The following BNC2 variants were observed in gnomAD, a reference collection of about 807,000 sequenced individuals.
BNC2 encodes the protein zinc finger protein basonuclin-2.
In BNC2, 20 loss-of-function variants were observed where a neutral mutation model predicts 76.3. The observed-to-expected ratio is 0.26, with a 90% CI of 0.18 to 0.38. The LOEUF (loss-of-function observed/expected upper bound fraction) is 0.38. Among genes scored for constraint, BNC2 ranks in the 10% least tolerant of loss-of-function variants. The pLI is 1.00. For missense variants in BNC2, 1,382 were observed against 1,399.8 expected (o/e 0.99, Z 0.20); for synonymous variants, 582 against 514.8 (o/e 1.13, Z -1.77).
Position 16,436,089 on chromosome 9 carries a change from C to T in BNC2, c.2105G>A (p.Arg702Lys), listed in dbSNP as rs1008222401. 1 of 1,614,008 alleles carries T rather than the reference C, an allele frequency of 6.2e-7. No individual in the cohort carries two copies. The highest frequency in any genetic ancestry group is 8.5e-7 in the Non-Finnish European group (1 of 1,180,058). ...GCTGTCGGCCCTCCTTATTTCAGTC[C>T]TTGAAATGCACCGGGTCCTGTTATG... ...SKHNRTRCIS[R>K]TEIRRADSMT... The change falls in exon 6 of 7, where the codon AGG becomes AAG. Residue 702 changes from arginine (R) to lysine (K), a missense_variant. By Grantham distance (26) the Arg-to-Lys change is conservative. Around this residue, in one of 3 missense-constraint regions of BNC2, gnomAD observed 798 missense variants for 775.5 expected, o/e 1.03. Transcript: ENST00000380672.
intron 3 of BNC2, among the ~76,000 whole-genome samples, chr9:16,708,148 G>C (rs1337399): frequency 2.0e-5 from 3 of 151,946 alleles, no homozygotes; most frequent in African/African-American, 7.3e-5. Context: ...AAGGTGCCCA[G>C]AGTTTTGTAG....
chr9:16,409,753 C>T lies in BNC2; in HGVS notation c.*9236G>A, dbSNP rs1393090859. On this transcript the variant is annotated 3_prime_UTR_variant, in exon 7 of 7. Coordinates refer to ENST00000380672, the MANE Select transcript of BNC2 (RefSeq NM_017637.6). ...AAACAGAACAAAACAAAAATAAAAC[C>T]CTTGTTCAAGGTACATACAGTATTT... 6.6e-6 allele frequency: 1 copy of T among 152,418 alleles called. No individual in the cohort carries two copies. The highest frequency in any genetic ancestry group is 2.1e-4 in the South Asian group (1 of 4,816). 9.4% of individuals were successfully genotyped at this position (152,418 alleles called of 1,614,324 possible).
intron 2 of BNC2, among the ~76,000 whole-genome samples, chr9:16,732,526 G>GT (rs1167858556): frequency 6.6e-6 from 1 of 152,154 alleles, no homozygotes; most frequent in African/African-American, 2.4e-5. Flanking sequence ...TAAATGTGTA[G>GT]TTTTTGTATA....
intron 1 of BNC2, among the ~76,000 whole-genome samples, chr9:16,785,444 G>T (rs1270608967): frequency 1.3e-5 from 2 of 152,070 alleles, no homozygotes; most frequent in African/African-American, 4.8e-5. Context: ...ACCCAGGTCG[G>T]AGTGCAGTGG....
At chr9:16,515,385 C>T (rs148173095) in intron 5 of BNC2, among the ~76,000 whole-genome samples, 48 of 152,308 alleles carry the variant, frequency 3.2e-4, no homozygotes, top group African/African-American at 1.1e-3. Context: ...AGGAATGCTA[C>T]GGGGCCTCTG....
At position 16,682,716 on chromosome 9, in the gene BNC2, T is replaced by C. The variant is rs145440632; in HGVS notation, c.330+45081A>G. On this transcript the variant is annotated intron_variant, in intron 3 of 6. Transcript: ENST00000380672. ...TTGTGTCTAATCTAGTACTGAAATA[T>C]TGGTTCATTATTTACTCTAATTTTT... is the stretch of plus-strand genomic sequence containing the variant. 2.4e-3 allele frequency among the ~76,000 whole-genome samples: 361 copies of C among 152,304 alleles called. 2 individuals are homozygous for C. The highest frequency in any genetic ancestry group is 8.1e-3 in the African/African-American group (336 of 41,558).
At chr9:16,761,809 G>C (rs918330638) in intron 1 of BNC2, among the ~76,000 whole-genome samples, 1 of 152,144 alleles carries the variant, frequency 6.6e-6, no homozygotes, top group Non-Finnish European at 1.5e-5. Flanking sequence ...ACTGTCTTAA[G>C]TTCCACCTAA....
intron 1 of BNC2, among the ~76,000 whole-genome samples, chr9:16,829,629 A>G (rs1818534866): frequency 6.6e-6 from 1 of 152,220 alleles, no homozygotes; most frequent in African/African-American, 2.4e-5. Context: ...ATTTAGATCT[A>G]TGCCCAGTGC....
At chr9:16,421,251 G>A in intron 6 of BNC2, 1 of 1,298,194 alleles carries the variant, frequency 7.7e-7, no homozygotes, top group Non-Finnish European at 1.0e-6. Flanking sequence ...ACTTAGGAAG[G>A]CTGAGCTTAC....
chr9:16,441,431 T>C (rs6475054), intron 5 of BNC2, among the ~76,000 whole-genome samples: 92,690 of 152,214 alleles, frequency 0.61, 31,120 homozygotes, highest in African/African-American at 0.9. Flanking sequence ...ATGCTAAGAA[T>C]GGCTAGCAGT....
At chr9:16,835,467 G>A (rs1254317299) in intron 1 of BNC2, among the ~76,000 whole-genome samples, 1 of 152,138 alleles carries the variant, frequency 6.6e-6, no homozygotes, top group Non-Finnish European at 1.5e-5. Context: ...GGGAGGCCGA[G>A]GCAGGCAGAT....
chr9:16,615,986 A>T (rs905645728), intron 3 of BNC2, among the ~76,000 whole-genome samples: 4 of 152,206 alleles, frequency 2.6e-5, no homozygotes, highest in African/African-American at 9.6e-5. Flanking sequence ...ACCAAGTCTG[A>T]GAGCTCAATG....
chr9:16,468,884 A>G (rs75724461), intron 5 of BNC2, among the ~76,000 whole-genome samples: 10,833 of 152,234 alleles, frequency 0.071, 1,095 homozygotes, highest in African/African-American at 0.22. Flanking sequence ...CATATCCCCA[A>G]TAATACAAAT....
At chr9:16,734,394 A>G (rs1464604049) in intron 2 of BNC2, among the ~76,000 whole-genome samples, 1 of 152,222 alleles carries the variant, frequency 6.6e-6, no homozygotes, top group Non-Finnish European at 1.5e-5. Flanking sequence ...TACAGATTCA[A>G]ATAGGAAGGA....
At chr9:16,482,437 G>A (rs1190045046) in intron 5 of BNC2, among the ~76,000 whole-genome samples, 1 of 151,324 alleles carries the variant, frequency 6.6e-6, no homozygotes, top group Non-Finnish European at 1.5e-5. Flanking sequence ...GTCATCTATA[G>A]AAACTCAAAC....
chr9:16,790,914 C>T (rs534103753), intron 1 of BNC2, among the ~76,000 whole-genome samples: 112 of 147,916 alleles, frequency 7.6e-4, no homozygotes, highest in African/African-American at 2.5e-3. Context: ...TGATCTTTGA[C>T]AATTCTCCCC....
chr9:16,756,913 C>A (rs13299069), intron 1 of BNC2, among the ~76,000 whole-genome samples: 1 of 151,258 alleles, frequency 6.6e-6, no homozygotes, highest in African/African-American at 2.4e-5. Context: ...ATGGCCTGAA[C>A]CCGGGAGGTG....
Position 16,821,804 on chromosome 9 carries a change from C to G in BNC2, c.3+48842G>C, listed in dbSNP as rs1818337708. 1.3e-5 allele frequency among the ~76,000 whole-genome samples: 2 copies of G among 151,718 alleles called. 1 individual carries two copies. The highest frequency in any genetic ancestry group is 1.3e-4 in the Admixed American group (2 of 15,230). On this transcript the variant is annotated intron_variant, in intron 1 of 6. Coordinates refer to ENST00000380672, the MANE Select transcript of BNC2 (RefSeq NM_017637.6). ...TCTCTACTAAAAATACAAAAATTAG[C>G]CAGGTGGGGCTGGGCACGGTGGGTA...
At chr9:16,757,932 T>C (rs1284056637) in intron 1 of BNC2, among the ~76,000 whole-genome samples, 4 of 152,206 alleles carry the variant, frequency 2.6e-5, no homozygotes, top group Admixed American at 6.5e-5. Flanking sequence ...ATATTAGTTT[T>C]CTATGTCTAC....
Sources: gnomAD v4.1 joint callset for allele counts (sites outside exome capture counted in the v4.1 genomes callset) on GRCh38, gnomAD v4.1.1 for gene constraint, gnomAD v4.1.1 regional missense constraint, MANE v1.5 for transcripts, NCBI Gene and HGNC (gene_info 2026-07-23, HGNC 2026-07-21) for gene names.